Variants in DPP6 observed in about 807,000 individuals in gnomAD.
DPP6 encodes the protein dipeptidyl peptidase like 6, also known as A-type potassium channel modulatory protein DPP6.
DPP6 carries 69 observed loss-of-function variants against 122.6 expected under a neutral mutation model. The ratio of observed to expected loss-of-function variants is 0.56; its 90% CI spans 0.46 to 0.69. The LOEUF (loss-of-function observed/expected upper bound fraction) is 0.69, where lower values mean the gene tolerates loss of function less well. DPP6 is among the 30% of genes least tolerant of loss of function. The pLI is 0.00. For synonymous variants in DPP6, 418 were observed against 433.1 expected (o/e 0.97, Z 0.43); for missense variants, 928 against 1,116.9 (o/e 0.83, Z 2.41).
intron 1 of DPP6, among the ~76,000 whole-genome samples, chr7:153,913,856 C>T (rs1012041226): frequency 5.9e-5 from 9 of 152,160 alleles, no homozygotes; most frequent in Admixed American, 2.0e-4. Context: ...GGATGGGTCT[C>T]ATTCAATGCA....
At chr7:154,801,290 T>TGGTTC in intron 12 of DPP6, 65 bp from the exon 13 acceptor site, 1 of 1,544,564 alleles carries the variant, frequency 6.5e-7, no homozygotes, top group Non-Finnish European at 8.8e-7. Flanking sequence ...TATTTTATCC[T>TGGTTC]GGTTCAACCT....
chr7:153,834,275 TA>T, the DPP6 span, among the ~76,000 whole-genome samples: 988 of 138,582 alleles, frequency 7.1e-3, 3 homozygotes, highest in African/African-American at 0.012. Context: ...TGACTCCATC[TA>T]AAAAAAAAAA....
chr7:154,841,401 T>C (rs1303788678), intron 16 of DPP6, among the ~76,000 whole-genome samples: 1 of 149,832 alleles, frequency 6.7e-6, no homozygotes, highest in Non-Finnish European at 1.5e-5. Context: ...AAAACTGAAA[T>C]ACTAAGTTCC....
intron 5 of DPP6, among the ~76,000 whole-genome samples, chr7:154,629,111 T>G (rs1339022670): frequency 6.6e-6 from 1 of 152,210 alleles, no homozygotes; most frequent in Non-Finnish European, 1.5e-5. Flanking sequence ...GAAAGCAGAT[T>G]GTTTTCTGTC....
intron 7 of DPP6, among the ~76,000 whole-genome samples, chr7:154,684,181 T>A (rs2131182277): frequency 6.6e-6 from 1 of 152,252 alleles, no homozygotes; most frequent in South Asian, 2.1e-4. Context: ...GGACACACTC[T>A]TAATCCCCCA....
At chr7:153,973,174 G>T (rs562146091) in intron 1 of DPP6, among the ~76,000 whole-genome samples, 2,254 of 151,982 alleles carry the variant, frequency 0.015, 58 homozygotes, top group African/African-American at 0.051. Flanking sequence ...AACGGATATG[G>T]TTTTCTGCTT....
intron 1 of DPP6, among the ~76,000 whole-genome samples, chr7:154,183,818 A>G (rs770409692): frequency 5.3e-5 from 8 of 152,256 alleles, no homozygotes; most frequent in Non-Finnish European, 8.8e-5. Flanking sequence ...CATGTGTCCA[A>G]TGAATCACTC....
intron 1 of DPP6, among the ~76,000 whole-genome samples, chr7:154,428,644 T>C (rs12155016): frequency 0.61 from 92,524 of 152,066 alleles, 29,249 homozygotes; most frequent in Admixed American, 0.7. Context: ...GTGGTATATA[T>C]GCACCATGGA....
chr7:154,407,685 A>G (rs1392182496), intron 1 of DPP6, among the ~76,000 whole-genome samples: 1 of 152,238 alleles, frequency 6.6e-6, no homozygotes, highest in Non-Finnish European at 1.5e-5. Context: ...AAATAAAAGA[A>G]GACTTAGACC....
At chr7:154,263,801 C>T (rs1471213758) in intron 1 of DPP6, among the ~76,000 whole-genome samples, 4 of 152,170 alleles carry the variant, frequency 2.6e-5, no homozygotes, top group Admixed American at 2.6e-4. Flanking sequence ...AGTGATTCTC[C>T]TGCCTCAGCC....
At chr7:154,720,231 G>A (rs1310183348) in intron 7 of DPP6, among the ~76,000 whole-genome samples, 1 of 152,172 alleles carries the variant, frequency 6.6e-6, no homozygotes, top group Non-Finnish European at 1.5e-5. Context: ...CCTGTGCTAT[G>A]CCCAGGAGAG....
At chr7:154,503,224 T>G (rs1825398039) in intron 3 of DPP6, among the ~76,000 whole-genome samples, 1 of 152,342 alleles carries the variant, frequency 6.6e-6, no homozygotes, top group Middle Eastern at 3.4e-3. Context: ...CTTTGTATGT[T>G]TGTCCTTATA....
intron 1 of DPP6, among the ~76,000 whole-genome samples, chr7:154,445,560 G>A (rs1819791569): frequency 6.6e-6 from 1 of 152,220 alleles, no homozygotes; most frequent in African/African-American, 2.4e-5. Flanking sequence ...CAGTGCAAGA[G>A]GGTTCTCTGG....
At chr7:154,879,201 G>A in intron 20 of DPP6, among the ~76,000 whole-genome samples, 1 of 152,206 alleles carries the variant, frequency 6.6e-6, no homozygotes, top group East Asian at 1.9e-4. Context: ...CCAGCACTTT[G>A]GGAGGCCCAG....
At chr7:154,782,006 T>G (rs1797058403) in intron 10 of DPP6, among the ~76,000 whole-genome samples, 1 of 152,234 alleles carries the variant, frequency 6.6e-6, no homozygotes, top group Non-Finnish European at 1.5e-5. Flanking sequence ...GAAGGCACCT[T>G]TGGCCTAGGA....
intron 1 of DPP6, among the ~76,000 whole-genome samples, chr7:153,923,622 A>G (rs760517380): frequency 2.0e-5 from 3 of 151,934 alleles, no homozygotes; most frequent in Admixed American, 6.6e-5. Flanking sequence ...TTAGCCGGGC[A>G]TGGTGGCGGG....
At chr7:154,225,723 G>T (rs1800557507) in intron 1 of DPP6, among the ~76,000 whole-genome samples, 1 of 151,958 alleles carries the variant, frequency 6.6e-6, no homozygotes, top group African/African-American at 2.4e-5. Flanking sequence ...GATATTTAAA[G>T]AACAGAGACA....
At chr7:154,370,966 A>G (rs977802929) in intron 1 of DPP6, among the ~76,000 whole-genome samples, 6 of 152,222 alleles carry the variant, frequency 3.9e-5, no homozygotes, top group African/African-American at 1.4e-4. Flanking sequence ...TCACCTGAGC[A>G]TTCTGAGGAG....
intron 8 of DPP6, among the ~76,000 whole-genome samples, chr7:154,730,721 G>T (rs1302326478): frequency 1.3e-5 from 2 of 152,192 alleles, no homozygotes; most frequent in Admixed American, 1.3e-4. Flanking sequence ...TGAACCCAAG[G>T]TGTGTCCCCC....
Sources: allele counts gnomAD v4.1 joint callset (sites outside exome capture counted in the v4.1 genomes callset), GRCh38; gene constraint gnomAD v4.1.1; transcripts MANE v1.5; gene names NCBI Gene and HGNC (gene_info 2026-07-23, HGNC 2026-07-21).